Variants in IRGM observed in about 807,000 individuals in gnomAD.
IRGM encodes the protein immunity-related GTPase family M protein.
For synonymous variants in IRGM, 98 were observed against 80.6 expected (o/e 1.22, Z -1.16); for missense variants, 288 against 219.9 (o/e 1.31, Z -1.96).
Position 150,848,127 on chromosome 5 carries a change from G to A in IRGM, c.4G>A (p.Glu2Lys), listed in dbSNP as rs1322402828. Reference protein sequence around the residue: MEAMNVEKASAD... With the variant: MKAMNVEKASAD... ...GCATTGGGGTATTTTATTGAAGATG[G>A]AAGCCATGAATGTTGAGAAAGCCTC... is the stretch of plus-strand genomic sequence containing the variant. Residue 2 changes from glutamate to lysine, a missense_variant, in exon 2 of 2, where the codon GAA (glutamate) becomes AAA (lysine). Coordinates refer to ENST00000522154, the MANE Select transcript of IRGM (RefSeq NM_001145805.2). The A allele has an allele frequency of 6.5e-7, 1 of 1,540,476 alleles. No individual in the cohort carries two copies. Among genetic ancestry groups the A allele is most frequent in the Middle Eastern group, 1.7e-4 (1 of 5,942 alleles).
intron 1 of IRGM, among the ~76,000 whole-genome samples, chr5:150,868,270 T>A (rs1056267966): frequency 3.9e-5 from 6 of 152,186 alleles, no homozygotes; most frequent in Admixed American, 3.9e-4. Context: ...TTGTTGAAGA[T>A]CAGTTTGCTG....
At chr5:150,885,990 T>C (rs1159332051) in intron 3 of IRGM, among the ~76,000 whole-genome samples, 2 of 152,148 alleles carry the variant, frequency 1.3e-5, no homozygotes, top group African/African-American at 4.8e-5. Context: ...GTGCCAGTTT[T>C]CAAGGAAGAT....
At chr5:150,864,337 C>T (rs902798662) in intron 1 of IRGM, among the ~76,000 whole-genome samples, 7 of 152,068 alleles carry the variant, frequency 4.6e-5, no homozygotes, top group Admixed American at 1.3e-4. Context: ...ATTAATTTTT[C>T]CCATCGTAGA....
intron 3 of IRGM, among the ~76,000 whole-genome samples, chr5:150,889,441 A>G (rs1157438848): frequency 6.6e-6 from 1 of 152,050 alleles, no homozygotes; most frequent in African/African-American, 2.4e-5. Flanking sequence ...ATTACCTCTC[A>G]CCAGGTCCCT....
chr5:150,875,922 G>A (rs937619795), intron 1 of IRGM, among the ~76,000 whole-genome samples: 1 of 152,136 alleles, frequency 6.6e-6, no homozygotes, highest in African/African-American at 2.4e-5. Context: ...TCTGGATATG[G>A]GTTTGCCTAT....
chr5:150,895,221 C>T (rs1754711063), intron 3 of IRGM: 2 of 487,942 alleles, frequency 4.1e-6, no homozygotes, highest in African/African-American at 3.9e-5. Context: ...AAAAGCTTTA[C>T]ATGCCATATT....
At chr5:150,854,084 T>C (rs897290688) in intron 1 of IRGM, among the ~76,000 whole-genome samples, 2 of 152,108 alleles carry the variant, frequency 1.3e-5, no homozygotes, top group African/African-American at 4.8e-5. Context: ...TGTGTACATT[T>C]TGTGGATATT....
rs536589780 is a variant in IRGM at position 150,857,513 on chromosome 5, C to T, written c.158+8859C>T. Reference sequence around the variant, plus strand: ...CTTGAGGAATCGCCACACTGACTTCCACAATGGTTGAACTAGTTTACAGTC... The same window carrying T: ...CTTGAGGAATCGCCACACTGACTTCTACAATGGTTGAACTAGTTTACAGTC... On this transcript the variant is annotated intron_variant and NMD_transcript_variant, in intron 1 of 3. Transcript: ENST00000520549. Among the ~76,000 whole-genome samples, 147 of 152,078 alleles carry T rather than the reference C, an allele frequency of 9.7e-4. 1 individual carries two copies. Among genetic ancestry groups the T allele is most frequent in the African/African-American group, 3.4e-3 (140 of 41,444 alleles).
chr5:150,886,129 T>A (rs746325609), intron 3 of IRGM, among the ~76,000 whole-genome samples: 2 of 152,170 alleles, frequency 1.3e-5, no homozygotes, highest in Admixed American at 6.6e-5. Context: ...TTGAATTTTA[T>A]TGAAAGCATT....
chr5:150,866,312 G>A (rs911734758), intron 1 of IRGM, among the ~76,000 whole-genome samples: 1 of 152,218 alleles, frequency 6.6e-6, no homozygotes, highest in Admixed American at 6.5e-5. Flanking sequence ...TCACCTGAGG[G>A]TGTGGGAGTG....
At chr5:150,850,171 C>T (rs1488052026), downstream of IRGM, among the ~76,000 whole-genome samples, 1 of 152,050 alleles carries the variant, frequency 6.6e-6, no homozygotes, top group Non-Finnish European at 1.5e-5. Context: ...CTTTTCCTTT[C>T]TTTCATTCAT....
At chr5:150,901,928 A>G (rs1235943029), downstream of IRGM, among the ~76,000 whole-genome samples, 1 of 151,882 alleles carries the variant, frequency 6.6e-6, no homozygotes, top group Non-Finnish European at 1.5e-5. Context: ...GCAGAACAAA[A>G]TATTTACTAT....
In IRGM at chr5:150,893,648, A is replaced by G. The variant is rs181161287; in HGVS notation, c.*141-6941A>G. Among the ~76,000 whole-genome samples the G allele has an allele frequency of 3.5e-3, 540 of 152,240 alleles. 5 individuals carry two copies. Among genetic ancestry groups the G allele is most frequent in the African/African-American group, 0.012 (510 of 41,552 alleles). ...TGATAAAAGAATTATGCAAAACAAG[A>G]CATCAGAGTAAGCTCAATGTAACTA... On this transcript the variant is annotated intron_variant and NMD_transcript_variant, in intron 3 of 3. Transcript: ENST00000520549.
rs891682093 is a variant in IRGM, at chr5:150,847,165, A to G, written c.-471A>G. ...GGGTCAAAGGCTGGTGGCTTACTTCACGTATATTGCAGCATTTCAGTACTG... is the reference window on the plus strand; with the variant it reads ...GGGTCAAAGGCTGGTGGCTTACTTCGCGTATATTGCAGCATTTCAGTACTG... On this transcript the variant is annotated 5_prime_UTR_variant, in exon 1 of 2. Transcript: ENST00000522154. 1 of 152,318 alleles carries G rather than the reference A, an allele frequency of 6.6e-6. No homozygotes were observed. The highest frequency in any genetic ancestry group is 1.5e-5 in the Non-Finnish European group (1 of 68,060). The allele number at this position is 152,318 out of a possible 1,614,324, so 9.4% of individuals were successfully genotyped here.
At position 150,848,283 on chromosome 5, in the gene IRGM, C is replaced by T. The variant is rs762970800; in HGVS notation, c.160C>T (p.Arg54Ter). 9.0e-6 allele frequency: 14 copies of T among 1,551,802 alleles called. No homozygotes were observed. In the East Asian group the frequency reaches 9.7e-5, roughly 11 times the overall value. Residue 54 changes from arginine to a stop codon, truncating the protein, a stop_gained, in exon 2 of 2, where the codon CGA becomes TGA. Transcript: ENST00000522154. LOFTEE classifies it low-confidence loss of function (END_TRUNC). Reference sequence around the variant, plus strand: ...GATGTCCACCTTCATCAGTGCCCTTCGAAACACAGGACATGAGGGTAAGGC... The same window carrying T: ...GATGTCCACCTTCATCAGTGCCCTTTGAAACACAGGACATGAGGGTAAGGC... ...NGMSTFISALRNTGHEGKASP... is the reference protein window; with the variant it reads ...NGMSTFISAL
chr5:150,858,565 A>G (rs1750149999), intron 1 of IRGM, among the ~76,000 whole-genome samples: 1 of 152,130 alleles, frequency 6.6e-6, no homozygotes, highest in African/African-American at 2.4e-5. Flanking sequence ...TAAGCATGGA[A>G]TGTTCTTCCA....
downstream of IRGM, among the ~76,000 whole-genome samples, chr5:150,850,281 CATAATTATGCACT>C (rs1428283737): frequency 6.6e-6 from 1 of 152,074 alleles, no homozygotes; most frequent in East Asian, 1.9e-4. Flanking sequence ...TTAAACAGTA[CATAATTATGCACT>C]ATTATGTAAG....
chr5:150,865,061 A>T (rs1043062628), intron 1 of IRGM, among the ~76,000 whole-genome samples: 2 of 152,218 alleles, frequency 1.3e-5, no homozygotes, highest in African/African-American at 4.8e-5. Flanking sequence ...GATGCATACC[A>T]TCTACCACAT....
chr5:150,867,044 T>G (rs1217070535), intron 1 of IRGM, among the ~76,000 whole-genome samples: 2 of 152,200 alleles, frequency 1.3e-5, no homozygotes, highest in African/African-American at 4.8e-5. Flanking sequence ...AGTAGGTTTT[T>G]GGGGAACAGG....
Sources: allele counts gnomAD v4.1 joint callset (sites outside exome capture counted in the v4.1 genomes callset), GRCh38; gene constraint gnomAD v4.1.1; transcripts MANE v1.5; gene names NCBI Gene and HGNC (gene_info 2026-07-23, HGNC 2026-07-21).